Variants in MAML3 observed in about 807,000 individuals in gnomAD.
MAML3 encodes the protein mastermind-like protein 3.
MAML3 carries 27 observed loss-of-function variants against 101.9 expected under a neutral mutation model. The ratio of observed to expected loss-of-function variants is 0.27; its 90% CI spans 0.20 to 0.37. The LOEUF (loss-of-function observed/expected upper bound fraction) is 0.37, where lower values mean the gene tolerates loss of function less well. Ranked by LOEUF, MAML3 falls within the 10% of genes least tolerant of loss-of-function variation. The probability of loss-of-function intolerance (pLI) is 1.00; values close to 1 mark genes in which losing one functional copy is unlikely to be tolerated. For missense variants in MAML3, 1,316 were observed against 1,444.9 expected (o/e 0.91, Z 1.45); for synonymous variants, 501 against 555.9 (o/e 0.90, Z 1.39).
chr4:139,774,167 G>C (rs1020142259), intron 2 of MAML3, among the ~76,000 whole-genome samples: 9 of 152,150 alleles, frequency 5.9e-5, no homozygotes, highest in Non-Finnish European at 1.3e-4. Context: ...GCTGGGCTTT[G>C]GCTGTTCCTC....
Position 140,153,308 on chromosome 4 carries a change from G to A in MAML3, c.20C>T (p.Pro7Leu). Reference protein sequence around the residue: MGDFAAPAAAANGSSIC... With the variant: MGDFAALAAAANGSSIC... ...ACTACTGCCATTCGCGGCAGCAGCG[G>A]GGGCTGCGAAATCCCCCATCCTGCT... The change falls in exon 1 of 5, where the codon CCC (proline) becomes CTC (leucine). Residue 7 changes from proline to leucine, a missense_variant. By Grantham distance (98) the Pro-to-Leu change is moderately conservative. Coordinates refer to ENST00000509479, the MANE Select transcript of MAML3 (RefSeq NM_018717.5). 3 of 1,595,394 alleles carry A rather than the reference G, an allele frequency of 1.9e-6. No homozygotes were observed. Among genetic ancestry groups the A allele is most frequent in the East Asian group, 2.2e-5 (1 of 44,582 alleles).
At chr4:139,748,838 C>A (rs988850107) in intron 2 of MAML3, among the ~76,000 whole-genome samples, 1 of 152,178 alleles carries the variant, frequency 6.6e-6, no homozygotes, top group Non-Finnish European at 1.5e-5. Flanking sequence ...ATTTTGCCAG[C>A]GGCCATTTTC....
chr4:140,041,439 C>A (rs1727084716), intron 1 of MAML3, among the ~76,000 whole-genome samples: 1 of 152,134 alleles, frequency 6.6e-6, no homozygotes, highest in South Asian at 2.1e-4. Flanking sequence ...GCCTGGCCAA[C>A]ATGGCGAAAC....
intron 1 of MAML3, among the ~76,000 whole-genome samples, chr4:139,938,074 G>A: frequency 6.6e-6 from 1 of 152,174 alleles, no homozygotes; most frequent in East Asian, 1.9e-4. Flanking sequence ...ATGCCAGTGT[G>A]TATATATTTA....
chr4:139,927,445 A>G (rs918465495), intron 1 of MAML3, among the ~76,000 whole-genome samples: 5 of 152,234 alleles, frequency 3.3e-5, no homozygotes, highest in Admixed American at 2.6e-4. Flanking sequence ...TAAGTGAGAT[A>G]TGCTGAGACT....
At chr4:139,724,041 C>T (rs74868730) in intron 4 of MAML3, among the ~76,000 whole-genome samples, 3,280 of 152,274 alleles carry the variant, frequency 0.022, 53 homozygotes, top group South Asian at 0.034. Context: ...CCCACTCTTC[C>T]GAAGCTACCC....
intron 1 of MAML3, among the ~76,000 whole-genome samples, chr4:139,957,365 C>T (rs1733933154): frequency 6.6e-6 from 1 of 152,178 alleles, no homozygotes; most frequent in African/African-American, 2.4e-5. Flanking sequence ...TCAAATCCAA[C>T]CAGGCTCTGC....
chr4:140,011,382 G>A (rs1726560112), intron 1 of MAML3, among the ~76,000 whole-genome samples: 1 of 123,836 alleles, frequency 8.1e-6, no homozygotes, highest in South Asian at 2.7e-4. Context: ...CTGTCGCCCA[G>A]GCCGGACTGC....
chr4:139,811,663 G>A (rs1730798690), intron 2 of MAML3, among the ~76,000 whole-genome samples: 1 of 152,192 alleles, frequency 6.6e-6, no homozygotes, highest in Non-Finnish European at 1.5e-5. Context: ...GTATTTCTTA[G>A]ACATAAAGGG....
chr4:140,150,866 T>G (rs764248120), intron 1 of MAML3, among the ~76,000 whole-genome samples: 1 of 152,196 alleles, frequency 6.6e-6, no homozygotes, highest in Admixed American at 6.5e-5. Flanking sequence ...AGTGTGTCAG[T>G]GGTTTTCGGT....
intron 1 of MAML3, among the ~76,000 whole-genome samples, chr4:139,968,153 C>T (rs1055234890): frequency 4.0e-5 from 6 of 151,326 alleles, no homozygotes; most frequent in African/African-American, 1.5e-4. Flanking sequence ...GGGGCACACG[C>T]CTATAGTCTC....
chr4:139,835,407 C>G (rs1009413930), intron 2 of MAML3, among the ~76,000 whole-genome samples: 1 of 152,132 alleles, frequency 6.6e-6, no homozygotes, highest in Non-Finnish European at 1.5e-5. Flanking sequence ...TGAGGCGTCC[C>G]GAGGCTGATT....
At position 139,944,241 on chromosome 4, in the gene MAML3, C is replaced by A. The variant is rs565534563; in HGVS notation, c.469-53274G>T. Among the ~76,000 whole-genome samples the A allele has an allele frequency of 4.6e-5, 7 of 152,068 alleles. No individual in the cohort carries two copies. The South Asian group carries it at 1.5e-3, about 32-fold the overall frequency. On this transcript the variant is annotated intron_variant, in intron 1 of 4. Coordinates refer to ENST00000509479, the MANE Select transcript of MAML3 (RefSeq NM_018717.5). ...ATGTGCACATTGTGCAGGTTAGTTACATATGTATACATGTGCCATGCTGGT... is the reference window on the plus strand; with the variant it reads ...ATGTGCACATTGTGCAGGTTAGTTAAATATGTATACATGTGCCATGCTGGT...
At chr4:140,012,774 A>C (rs1021484953) in intron 1 of MAML3, among the ~76,000 whole-genome samples, 29 of 152,202 alleles carry the variant, frequency 1.9e-4, no homozygotes, top group African/African-American at 6.8e-4. Context: ...TTATGCAGAT[A>C]TCCAATGAGA....
rs1439784078 is a variant in MAML3 at position 140,002,418 on chromosome 4, T to C, written c.469-111451A>G. ...TGTAAAGTCTGAAAAGTTATTTCCA[T>C]TGAGGTCTGAGGTGGAAGCAAAAGC... On this transcript the variant is annotated intron_variant, in intron 1 of 4. Coordinates refer to ENST00000509479, the MANE Select transcript of MAML3 (RefSeq NM_018717.5). Among the ~76,000 whole-genome samples the C allele has an allele frequency of 2.0e-5, 3 of 152,326 alleles. No individual in the cohort carries two copies. In the East Asian group the frequency reaches 5.8e-4, roughly 29 times the overall value.
At chr4:139,970,347 A>C (rs889125008) in intron 1 of MAML3, among the ~76,000 whole-genome samples, 34 of 152,204 alleles carry the variant, frequency 2.2e-4, no homozygotes, top group African/African-American at 8.0e-4. Flanking sequence ...TTGGCAGCAC[A>C]CAAAGGCAGG....
chr4:140,056,821 A>T (rs1018301550), intron 1 of MAML3, among the ~76,000 whole-genome samples: 1 of 151,820 alleles, frequency 6.6e-6, no homozygotes, highest in African/African-American at 2.4e-5. Flanking sequence ...AAAAAAAAAA[A>T]AAGGTTCTAT....
At chr4:139,967,011 A>C (rs1734144778) in intron 1 of MAML3, among the ~76,000 whole-genome samples, 1 of 152,254 alleles carries the variant, frequency 6.6e-6, no homozygotes, top group African/African-American at 2.4e-5. Flanking sequence ...TATTCTGGTA[A>C]ATAAAAGAAT....
chr4:139,721,421 CA>C (rs1457021754), intron 4 of MAML3, among the ~76,000 whole-genome samples: 1 of 152,092 alleles, frequency 6.6e-6, no homozygotes, highest in African/African-American at 2.4e-5. Context: ...TTTTCCTGGA[CA>C]TTTAAAGAAG....
Sources: allele counts gnomAD v4.1 joint callset (sites outside exome capture counted in the v4.1 genomes callset), GRCh38; gene constraint gnomAD v4.1.1; transcripts MANE v1.5; gene names NCBI Gene and HGNC (gene_info 2026-07-23, HGNC 2026-07-21).